Variants in CFAP68 observed in about 807,000 individuals in gnomAD.
The protein encoded by CFAP68 is cilia and flagella associated protein 68.
chr11:111,882,272 G>C, the CFAP68 span: 1 of 963,374 alleles, frequency 1.0e-6, no homozygotes, highest in Non-Finnish European at 1.6e-6. Flanking sequence ...CGGTGTGCTT[G>C]TGTTATACCT....
At chr11:111,882,272 G>A in the CFAP68 span, 1 of 963,374 alleles carries the variant, frequency 1.0e-6, no homozygotes. Context: ...CGGTGTGCTT[G>A]TGTTATACCT....
At chr11:111,882,730 G>A in the CFAP68 span, 2 of 835,580 alleles carry the variant, frequency 2.4e-6, no homozygotes, top group Non-Finnish European at 1.8e-6. Context: ...AGTGGTTGGG[G>A]CAGAGGAACA....
the CFAP68 span, chr11:111,881,313 C>A: frequency 1.4e-6 from 2 of 1,442,514 alleles, no homozygotes; most frequent in Non-Finnish European, 1.8e-6. Context: ...AACATCAGTG[C>A]ATGCATCTGT....
chr11:111,879,580 T>C, the CFAP68 span: 1 of 1,614,138 alleles, frequency 6.2e-7, no homozygotes, highest in Non-Finnish European at 8.5e-7. Context: ...TCCCAGTGTC[T>C]CTGCTGCTCA....
At chr11:111,883,848 T>C in the CFAP68 span, 1 of 1,611,912 alleles carries the variant, frequency 6.2e-7, no homozygotes, top group Non-Finnish European at 8.5e-7. Context: ...CACAGAAAAG[T>C]CAACTTACAT....
the CFAP68 span, chr11:111,884,228 C>A: frequency 5.5e-6 from 1 of 180,208 alleles, no homozygotes; most frequent in Non-Finnish European, 1.1e-5. Context: ...AATCCCAGCA[C>A]TTTGGGAGGC....
At chr11:111,883,045 C>A in the CFAP68 span, 1 of 942,338 alleles carries the variant, frequency 1.1e-6, no homozygotes, top group Non-Finnish European at 1.7e-6. Flanking sequence ...TAAAATATGA[C>A]AGTCCGTGAG....
At chr11:111,879,641 A>G in the CFAP68 span, 117 of 1,598,986 alleles carry the variant, frequency 7.3e-5, no homozygotes, top group East Asian at 5.8e-4. Context: ...CGTTCAAGAA[A>G]GAGTATTGAG....
At chr11:111,882,292 A>C in the CFAP68 span, 2 of 1,286,150 alleles carry the variant, frequency 1.6e-6, no homozygotes, top group South Asian at 2.7e-5. Flanking sequence ...TGGCTATGTA[A>C]AACAAGGGCA....
chr11:111,881,526 G>C, the CFAP68 span: 102 of 1,535,992 alleles, frequency 6.6e-5, 1 homozygote, highest in African/African-American at 1.3e-3. Context: ...AAAGAACATG[G>C]AACAGCCAAG....
chr11:111,885,712 T>G, the CFAP68 span: 2 of 152,224 alleles, frequency 1.3e-5, no homozygotes, highest in Non-Finnish European at 2.9e-5. Flanking sequence ...CTATAATATA[T>G]GGGCATTACT....
chr11:111,883,592 C>CA, the CFAP68 span, among the ~76,000 whole-genome samples: 327 of 121,680 alleles, frequency 2.7e-3, 2 homozygotes, highest in Middle Eastern at 0.023. Flanking sequence ...GACTCTATCT[C>CA]AAAAAAAAAA....
At chr11:111,881,566 C>A in the CFAP68 span, 1 of 1,535,928 alleles carries the variant, frequency 6.5e-7, no homozygotes, top group Non-Finnish European at 8.7e-7. Flanking sequence ...CATAAGAAAT[C>A]TTCAAAGAGC....
the CFAP68 span, chr11:111,881,130 T>C: frequency 9.5e-7 from 1 of 1,056,776 alleles, no homozygotes; most frequent in Non-Finnish European, 1.2e-6. Context: ...TGGATGAAAA[T>C]TAAAGACAAG....
At chr11:111,883,006 T>C in the CFAP68 span, 1 of 757,374 alleles carries the variant, frequency 1.3e-6, no homozygotes, top group Non-Finnish European at 2.2e-6. Context: ...TAGAAGGATA[T>C]AGACTAACAC....
the CFAP68 span, chr11:111,881,682 C>A: frequency 6.9e-7 from 1 of 1,450,576 alleles, no homozygotes; most frequent in Admixed American, 2.6e-5. Flanking sequence ...GAGCTTTTAT[C>A]TTACCAAAAA....
At chr11:111,883,146 A>G in the CFAP68 span, 1 of 1,578,386 alleles carries the variant, frequency 6.3e-7, no homozygotes, top group South Asian at 1.2e-5. Flanking sequence ...TTTGGACACT[A>G]CTTTGAAACA....
chr11:111,882,721 G>A, the CFAP68 span: 2 of 931,362 alleles, frequency 2.1e-6, no homozygotes, highest in Non-Finnish European at 3.2e-6. Flanking sequence ...TTTCAGTGAA[G>A]TGGTTGGGGC....
At chr11:111,879,688 C>T in the CFAP68 span, 6 of 1,454,818 alleles carry the variant, frequency 4.1e-6, no homozygotes, top group East Asian at 2.3e-5. Flanking sequence ...AGGGTGGTTA[C>T]GATATGTGGA....
Sources: allele counts gnomAD v4.1 joint callset (sites outside exome capture counted in the v4.1 genomes callset), GRCh38; gene constraint gnomAD v4.1.1; transcripts MANE v1.5; gene names NCBI Gene and HGNC (gene_info 2026-07-23, HGNC 2026-07-21).